Variants in PCCA observed in about 807,000 individuals in gnomAD.
PCCA encodes the protein propionyl-CoA carboxylase subunit alpha.
A neutral mutation model predicts 101.3 loss-of-function variants in PCCA; 74 were observed. The ratio of observed to expected loss-of-function variants is 0.73; its 90% CI spans 0.61 to 0.89. The LOEUF is 0.89. PCCA is among the 40% of genes least tolerant of loss of function. The probability of loss-of-function intolerance (pLI) is 0.00; values close to 1 mark genes in which losing one functional copy is unlikely to be tolerated. For missense variants in PCCA, 891 were observed against 907.0 expected, an observed-to-expected ratio of 0.98 and a Z score of 0.23; for synonymous variants, 294 against 313.6, an observed-to-expected ratio of 0.94 and a Z score of 0.66.
chr13:100,415,537 A>G (rs1004323458), intron 19 of PCCA, among the ~76,000 whole-genome samples: 2 of 152,266 alleles, frequency 1.3e-5, no homozygotes, highest in African/African-American at 4.8e-5. Context: ...AGAATTAGAT[A>G]TAACTTGACC....
Position 100,273,310 on chromosome 13 carries a change from G to T in PCCA, c.1029G>T (p.Lys343Asn), listed in dbSNP as rs1566840353. Residue 343 changes from lysine (K) to asparagine (N), a missense_variant, in exon 12 of 24, where the codon AAG becomes AAT. By Grantham distance (94) the Lys-to-Asn change is moderately conservative. Coordinates refer to ENST00000376285, the MANE Select transcript of PCCA (RefSeq NM_000282.4). ...GTVEFLVDSK[K>N]NFYFLEMNTR... is the part of the protein sequence containing the mutation. ...TGGAGTTCCTTGTGGACTCTAAGAA[G>T]AATTTTTATTTCTTGGAAATGAATA... is the stretch of plus-strand genomic sequence containing the variant. 6.2e-7 allele frequency: 1 copy of T among 1,612,910 alleles called. No individual in the cohort carries two copies. The highest frequency in any genetic ancestry group is 2.2e-5 in the East Asian group (1 of 44,846).
intron 15 of PCCA, among the ~76,000 whole-genome samples, chr13:100,307,681 A>G (rs2066559191): frequency 6.6e-6 from 1 of 152,164 alleles, no homozygotes; most frequent in African/African-American, 2.4e-5. Flanking sequence ...TTCAGTTTTT[A>G]CAAATTACCA....
intron 18 of PCCA, among the ~76,000 whole-genome samples, chr13:100,361,228 A>G (rs888896704): frequency 6.6e-6 from 1 of 152,194 alleles, no homozygotes; most frequent in Non-Finnish European, 1.5e-5. Context: ...ACATTTCATT[A>G]GATATTTGTC....
intron 16 of PCCA, among the ~76,000 whole-genome samples, chr13:100,328,991 CTTTT>C (rs534310079): frequency 3.1e-5 from 3 of 96,350 alleles, no homozygotes; most frequent in Admixed American, 1.0e-4. Flanking sequence ...CGCGCCTGGA[CTTTT>C]TTTTTTTTTT....
At chr13:100,322,370 G>T (rs1042743187) in intron 16 of PCCA, among the ~76,000 whole-genome samples, 4 of 152,078 alleles carry the variant, frequency 2.6e-5, no homozygotes, top group African/African-American at 9.7e-5. Context: ...CTGTGTCTGG[G>T]TGTCTTTTGC....
At chr13:100,311,189 C>T (rs1343395444) in intron 16 of PCCA, among the ~76,000 whole-genome samples, 8 of 151,640 alleles carry the variant, frequency 5.3e-5, no homozygotes, top group East Asian at 1.9e-4. Flanking sequence ...GCCGAGATCA[C>T]GCCACTGCAT....
intron 18 of PCCA, among the ~76,000 whole-genome samples, chr13:100,363,237 C>T (rs906322193): frequency 1.3e-5 from 2 of 152,104 alleles, no homozygotes; most frequent in South Asian, 2.1e-4. Flanking sequence ...AGTTGTTCCT[C>T]CCCTTCCCCA....
In PCCA at chr13:100,111,866, A is replaced by T; in HGVS notation, c.209A>T (p.Asn70Ile). ...ACTTTTGATAAAATTCTTGTTGCTAATAGAGGAGAAATTGCATGTCGGGTG... is the reference window on the plus strand; with the variant it reads ...ACTTTTGATAAAATTCTTGTTGCTATTAGAGGAGAAATTGCATGTCGGGTG... ...EKTFDKILVA[N>I]RGEIACRVIR... The change falls in exon 3 of 24, where the codon AAT becomes ATT. Residue 70 changes from asparagine to isoleucine, a missense_variant. By Grantham distance (149) the Asn-to-Ile change is moderately radical (BLOSUM62 -3). Coordinates refer to ENST00000376285, the MANE Select transcript of PCCA (RefSeq NM_000282.4). 6.2e-7 allele frequency: 1 copy of T among 1,610,102 alleles called. No individual in the cohort carries two copies. Among genetic ancestry groups the T allele is most frequent in the South Asian group, 1.1e-5 (1 of 90,920 alleles).
At chr13:100,150,719 GT>G in intron 4 of PCCA, 1 of 1,581,310 alleles carries the variant, frequency 6.3e-7, no homozygotes, top group Non-Finnish European at 8.6e-7. Flanking sequence ...AAATTTGTAT[GT>G]GGAATCTTCA....
At chr13:100,372,216 A>G (rs1181818133) in intron 19 of PCCA, among the ~76,000 whole-genome samples, 1 of 152,078 alleles carries the variant, frequency 6.6e-6, no homozygotes, top group Non-Finnish European at 1.5e-5. Flanking sequence ...TTGGTGGTGC[A>G]TGGCACACAC....
intron 4 of PCCA, among the ~76,000 whole-genome samples, chr13:100,124,309 T>C (rs1157970952): frequency 6.6e-6 from 1 of 152,190 alleles, no homozygotes; most frequent in Non-Finnish European, 1.5e-5. Flanking sequence ...TATACATATT[T>C]TGTTGCTTTG....
Position 100,356,443 on chromosome 13 carries a change from G to A in PCCA, c.1644-12029G>A, listed in dbSNP as rs1291441548. 2.0e-5 allele frequency among the ~76,000 whole-genome samples: 3 copies of A among 152,106 alleles called. No individual in the cohort carries two copies. In the South Asian group the frequency reaches 6.2e-4, roughly 32 times the overall value. Reference sequence around the variant, plus strand: ...TGATCCAGTTAAAAGATAGGCAAAGGACATGAATAAAAATTTTTCAAAAAA... The same window carrying A: ...TGATCCAGTTAAAAGATAGGCAAAGAACATGAATAAAAATTTTTCAAAAAA... On this transcript the variant is annotated intron_variant, in intron 18 of 23. Coordinates refer to ENST00000376285, the MANE Select transcript of PCCA (RefSeq NM_000282.4).
intron 20 of PCCA, among the ~76,000 whole-genome samples, chr13:100,428,143 C>T (rs574804872): frequency 4.1e-4 from 62 of 152,028 alleles, no homozygotes; most frequent in Non-Finnish European, 6.8e-4. Context: ...CTGGGTTCAC[C>T]GCAGCTTTGA....
At chr13:100,196,420 A>G (rs1014203378) in intron 6 of PCCA, among the ~76,000 whole-genome samples, 1 of 152,208 alleles carries the variant, frequency 6.6e-6, no homozygotes, top group African/African-American at 2.4e-5. Context: ...ATATTCCTTA[A>G]AATATACTTA....
intron 20 of PCCA, among the ~76,000 whole-genome samples, chr13:100,438,794 C>A (rs952235789): frequency 1.3e-5 from 2 of 151,836 alleles, no homozygotes. Flanking sequence ...TTCTTGGCTC[C>A]CTCCGCATTT....
chr13:100,526,885 C>T (rs535409246), intron 22 of PCCA, among the ~76,000 whole-genome samples: 1 of 152,384 alleles, frequency 6.6e-6, no homozygotes, highest in African/African-American at 2.4e-5. Context: ...GCAGTCTGAG[C>T]AAAGGCCCGT....
At chr13:100,491,340 T>C (rs888222663) in intron 21 of PCCA, 1 of 183,546 alleles carries the variant, frequency 5.4e-6, no homozygotes, top group African/African-American at 2.4e-5. Context: ...GCAACTCAGC[T>C]TTGTGTCATT....
chr13:100,447,823 C>T (rs759402035), intron 20 of PCCA, among the ~76,000 whole-genome samples: 2 of 152,176 alleles, frequency 1.3e-5, no homozygotes, highest in Non-Finnish European at 2.9e-5. Context: ...AAACATTTTG[C>T]ATTAAACCAC....
At chr13:100,391,631 C>T (rs1444529700) in intron 19 of PCCA, among the ~76,000 whole-genome samples, 6 of 152,000 alleles carry the variant, frequency 3.9e-5, no homozygotes, top group African/African-American at 1.5e-4. Context: ...ATAGGCAGAT[C>T]CTGAAGGGCC....
Sources: allele counts gnomAD v4.1 joint callset (sites outside exome capture counted in the v4.1 genomes callset), GRCh38; gene constraint gnomAD v4.1.1; transcripts MANE v1.5; gene names NCBI Gene and HGNC (gene_info 2026-07-23, HGNC 2026-07-21).